Variants in PANX1 observed in about 807,000 individuals in gnomAD.
PANX1 encodes the protein pannexin-1.
PANX1 carries 30 observed loss-of-function variants against 38.7 expected under a neutral mutation model. The ratio of observed to expected loss-of-function variants is 0.78; its 90% CI spans 0.58 to 1.05. The LOEUF (loss-of-function observed/expected upper bound fraction) is 1.05. Ranked by LOEUF, PANX1 falls within the 50% of genes least tolerant of loss-of-function variation. PANX1 has a pLI of 0.00. For synonymous variants in PANX1, 230 were observed against 212.2 expected (o/e 1.08, Z -0.73); for missense variants, 551 against 517.2 (o/e 1.07, Z -0.63).
chr11:94,147,655 G>C (rs1259613869), intron 1 of PANX1, among the ~76,000 whole-genome samples: 1 of 152,188 alleles, frequency 6.6e-6, no homozygotes, highest in Non-Finnish European at 1.5e-5. Flanking sequence ...CCAATTAAAT[G>C]AGATAAGCCT....
intron 1 of PANX1, among the ~76,000 whole-genome samples, chr11:94,148,854 T>A (rs1245504512): frequency 6.6e-6 from 1 of 152,158 alleles, no homozygotes; most frequent in Non-Finnish European, 1.5e-5. Context: ...CAGGATTTTC[T>A]CTCCTGGCTC....
intron 2 of PANX1, among the ~76,000 whole-genome samples, chr11:94,154,951 A>G (rs1387502190): frequency 1.3e-5 from 2 of 152,232 alleles, no homozygotes; most frequent in African/African-American, 4.8e-5. Context: ...TTTTGCCATT[A>G]AAAGTAATTG....
intron 2 of PANX1, among the ~76,000 whole-genome samples, chr11:94,161,722 G>A (rs574932588): frequency 1.8e-4 from 28 of 152,158 alleles, no homozygotes; most frequent in Non-Finnish European, 3.7e-4. Flanking sequence ...CTCTCAATTC[G>A]TCAAAGTCAT....
At chr11:94,172,903 C>T (rs12294985) in intron 2 of PANX1, among the ~76,000 whole-genome samples, 42,525 of 151,526 alleles carry the variant, frequency 0.28, 7,051 homozygotes, top group Admixed American at 0.39. Flanking sequence ...CTCCAGGGCT[C>T]TCCCCATGAT....
intron 2 of PANX1, among the ~76,000 whole-genome samples, chr11:94,169,229 C>T (rs549293363): frequency 6.6e-6 from 1 of 151,562 alleles, no homozygotes; most frequent in South Asian, 2.1e-4. Flanking sequence ...GCTGCTCCAA[C>T]ATGGAGAGAG....
intron 1 of PANX1, among the ~76,000 whole-genome samples, chr11:94,145,217 A>G (rs1946814127): frequency 6.6e-6 from 1 of 152,164 alleles, no homozygotes; most frequent in Admixed American, 6.5e-5. Context: ...CCATCTTAGA[A>G]ATGCTGTTAT....
chr11:94,140,763 A>G (rs1321187939), intron 1 of PANX1, among the ~76,000 whole-genome samples: 4 of 152,194 alleles, frequency 2.6e-5, no homozygotes, highest in Non-Finnish European at 4.4e-5. Context: ...TTTGTTGTCT[A>G]TTGGTATTTA....
intron 2 of PANX1, chr11:94,175,744 C>T: frequency 5.1e-6 from 5 of 984,730 alleles, no homozygotes; most frequent in African/African-American, 1.8e-5. Context: ...CTTCTCCCCA[C>T]AGCCAGCTAT....
intron 2 of PANX1, among the ~76,000 whole-genome samples, chr11:94,166,117 C>T (rs1422889927): frequency 6.6e-6 from 1 of 152,092 alleles, no homozygotes; most frequent in Non-Finnish European, 1.5e-5. Context: ...TGTGTATCTC[C>T]TAACAACTTG....
At chr11:94,163,892 C>T (rs888430738) in intron 2 of PANX1, among the ~76,000 whole-genome samples, 8 of 152,172 alleles carry the variant, frequency 5.3e-5, no homozygotes, top group Non-Finnish European at 8.8e-5. Context: ...CTTATTATTA[C>T]TGCCTCTCCC....
chr11:94,130,173 C>T (rs1946611330), intron 1 of PANX1, among the ~76,000 whole-genome samples: 1 of 152,204 alleles, frequency 6.6e-6, no homozygotes, highest in Admixed American at 6.5e-5. Context: ...CCTTCCTCAT[C>T]AGCTGTTCTG....
Position 94,129,510 on chromosome 11 carries a change from A to G in PANX1, c.181+17A>G, listed in dbSNP as rs1275662327. ...TCTCGATTGGTAAGCCTCGCCCAGG[A>G]CGGAGGGGAGTGGCCGCCCCGGTCT... On this transcript the variant is annotated intron_variant, in intron 1 of 4. Transcript: ENST00000227638. The G allele has an allele frequency of 2.5e-6, 4 of 1,592,526 alleles. No homozygotes were observed. In the Admixed American group the frequency reaches 5.1e-5, roughly 20 times the overall value.
intron 1 of PANX1, among the ~76,000 whole-genome samples, chr11:94,150,346 T>C (rs1405322790): frequency 6.6e-6 from 1 of 152,136 alleles, no homozygotes; most frequent in Non-Finnish European, 1.5e-5. Flanking sequence ...AGCTCTAGGA[T>C]GAATAACTTG....
chr11:94,151,680 C>T (rs760077942), intron 1 of PANX1, among the ~76,000 whole-genome samples: 6 of 152,248 alleles, frequency 3.9e-5, no homozygotes, highest in South Asian at 2.1e-4. Context: ...TGTGCTGTCC[C>T]GACTACTCAT....
intron 1 of PANX1, among the ~76,000 whole-genome samples, chr11:94,135,651 G>C (rs1405534295): frequency 6.6e-6 from 1 of 152,182 alleles, no homozygotes; most frequent in Non-Finnish European, 1.5e-5. Context: ...ATGCTGTCCA[G>C]AGAGTCTACT....
chr11:94,132,289 C>G (rs1242978916), intron 1 of PANX1, among the ~76,000 whole-genome samples: 1 of 152,168 alleles, frequency 6.6e-6, no homozygotes, highest in Non-Finnish European at 1.5e-5. Context: ...CATAACCCTC[C>G]TAATGCAGGA....
At chr11:94,178,081 AT>A (rs1233214490) in intron 2 of PANX1, among the ~76,000 whole-genome samples, 5 of 152,008 alleles carry the variant, frequency 3.3e-5, no homozygotes, top group Non-Finnish European at 7.4e-5. Context: ...GAGTAATTTT[AT>A]TTTTTTATTT....
At chr11:94,137,616 C>A (rs546964182) in intron 1 of PANX1, among the ~76,000 whole-genome samples, 2 of 148,948 alleles carry the variant, frequency 1.3e-5, no homozygotes, top group South Asian at 4.3e-4. Context: ...GAGAAGGGGG[C>A]CTAAAGAGAA....
At chr11:94,177,442 G>C (rs1380634096) in intron 2 of PANX1, among the ~76,000 whole-genome samples, 1 of 151,988 alleles carries the variant, frequency 6.6e-6, no homozygotes, top group African/African-American at 2.4e-5. Context: ...CAGAGGGCCA[G>C]ATCATAAAGT....
Sources: gnomAD v4.1 joint callset for allele counts (sites outside exome capture counted in the v4.1 genomes callset) on GRCh38, gnomAD v4.1.1 for gene constraint, MANE v1.5 for transcripts, NCBI Gene and HGNC (gene_info 2026-07-23, HGNC 2026-07-21) for gene names.